POLK: variants seen among roughly 807,000 people sequenced by gnomAD.
POLK encodes the protein DNA polymerase kappa.
A neutral mutation model predicts 94.0 loss-of-function variants in POLK; 76 were observed. That is an observed-to-expected ratio of 0.81 (90% CI 0.67 to 0.98). The LOEUF (loss-of-function observed/expected upper bound fraction) is 0.98. Among genes scored for constraint, POLK ranks in the 50% least tolerant of loss-of-function variants. POLK has a pLI of 0.00. For missense variants in POLK, 954 were observed against 1,010.1 expected (o/e 0.94, Z 0.75); for synonymous variants, 349 against 325.4 (o/e 1.07, Z -0.78).
chr5:75,571,992 C>T (rs1266004782), intron 4 of POLK, among the ~76,000 whole-genome samples: 3 of 152,148 alleles, frequency 2.0e-5, no homozygotes, highest in Non-Finnish European at 2.9e-5. Context: ...TAGTATAGTT[C>T]TGAGTACTAT....
chr5:75,549,797 T>G (rs1205273664), intron 2 of POLK, among the ~76,000 whole-genome samples: 1 of 152,122 alleles, frequency 6.6e-6, no homozygotes, highest in Admixed American at 6.6e-5. Flanking sequence ...CATCAACAAT[T>G]ACCAACATTT....
chr5:75,528,901 T>A (rs1388108410), intron 1 of POLK, among the ~76,000 whole-genome samples: 1 of 152,204 alleles, frequency 6.6e-6, no homozygotes. Context: ...CAATTATCCC[T>A]TGGTATCCAT....
intron 12 of POLK, among the ~76,000 whole-genome samples, 172 bp downstream of exon 12, chr5:75,594,221 G>C (rs1361862084): frequency 1.3e-5 from 2 of 152,132 alleles, no homozygotes; most frequent in Admixed American, 1.3e-4. Context: ...CTTACAAGGT[G>C]GTTACATCCC....
chr5:75,605,951 A>G (rs1304208413), downstream of POLK, among the ~76,000 whole-genome samples: 2 of 142,280 alleles, frequency 1.4e-5, no homozygotes, highest in African/African-American at 5.3e-5. Context: ...GGAACCGGGG[A>G]ACCAGCGTTC....
At chr5:75,533,481 C>A (rs1314553935) in intron 1 of POLK, among the ~76,000 whole-genome samples, 1 of 152,180 alleles carries the variant, frequency 6.6e-6, no homozygotes, top group Non-Finnish European at 1.5e-5. Flanking sequence ...GTTTTGGTTA[C>A]CATATCCTTG....
At chr5:75,575,463 G>A (rs1011976782) in intron 5 of POLK, among the ~76,000 whole-genome samples, 1 of 152,222 alleles carries the variant, frequency 6.6e-6, no homozygotes, top group African/African-American at 2.4e-5. Context: ...TTACAGGCAT[G>A]AGCCATCATG....
intron 11 of POLK, among the ~76,000 whole-genome samples, chr5:75,591,150 G>A (rs1472305741): frequency 6.6e-6 from 1 of 152,154 alleles, no homozygotes; most frequent in African/African-American, 2.4e-5. Context: ...AGAATAGCTA[G>A]AAGAGAATAA....
chr5:75,603,286 C>G (rs1452318455), downstream of POLK, among the ~76,000 whole-genome samples: 1 of 152,076 alleles, frequency 6.6e-6, no homozygotes, highest in Non-Finnish European at 1.5e-5. Context: ...CCATTTGTTT[C>G]CATCTCTTTT....
At chr5:75,586,773 AATTT>A (rs1410678501) in intron 9 of POLK, among the ~76,000 whole-genome samples, 4 of 152,188 alleles carry the variant, frequency 2.6e-5, no homozygotes, top group Non-Finnish European at 4.4e-5. Context: ...TAATAGAAGC[AATTT>A]CTAATATCTA....
chr5:75,573,828 G>A, exon 5 of POLK: 1 of 1,613,420 alleles, frequency 6.2e-7, no homozygotes, highest in Non-Finnish European at 8.5e-7. Context: ...ACTTATAATA[G>A]TGCCCCCCAA....
intron 1 of POLK, among the ~76,000 whole-genome samples, chr5:75,524,152 A>G (rs1768723107): frequency 1.3e-5 from 2 of 152,080 alleles, no homozygotes; most frequent in Non-Finnish European, 2.9e-5. Context: ...AACAAAAAAA[A>G]ACTTTCAGAT....
chr5:75,604,129 A>T (rs147635564), downstream of POLK, among the ~76,000 whole-genome samples: 105 of 152,326 alleles, frequency 6.9e-4, 1 homozygote, highest in African/African-American at 2.5e-3. Context: ...GGGAAGACAG[A>T]ATGGTGGCTA....
intron 2 of POLK, among the ~76,000 whole-genome samples, chr5:75,551,930 G>A (rs1041776676): frequency 6.6e-6 from 1 of 152,182 alleles, no homozygotes; most frequent in Non-Finnish European, 1.5e-5. Context: ...GTTTATGATA[G>A]CATTCTTCAC....
chr5:75,596,105 T>C (rs985964958), intron 12 of POLK, 117 bp from the exon 13 acceptor site: 23 of 633,852 alleles, frequency 3.6e-5, no homozygotes, highest in African/African-American at 2.7e-4. Flanking sequence ...ATGTTACTTA[T>C]AGTTTCTCTC....
chr5:75,531,729 T>A (rs1769192087), intron 1 of POLK, among the ~76,000 whole-genome samples: 1 of 151,780 alleles, frequency 6.6e-6, no homozygotes, highest in African/African-American at 2.4e-5. Flanking sequence ...GAGGTGGAGG[T>A]TGTAGTGAGC....
In POLK at chr5:75,596,219, T is replaced by G; in HGVS notation, c.1529-3T>G. 6.6e-7 allele frequency: 1 copy of G among 1,504,842 alleles called. No homozygotes were observed. The highest frequency in any genetic ancestry group is 9.1e-7 in the Non-Finnish European group (1 of 1,098,284). The allele number at this position is 1,504,842 out of a possible 1,614,324, so 93.2% of individuals were successfully genotyped here. A position where few individuals can be genotyped will look rare whatever the true frequency, so the allele number is the denominator to read the frequency against. On this transcript the variant is annotated splice_polypyrimidine_tract_variant and splice_region_variant and intron_variant, in intron 12 of 14. Coordinates refer to ENST00000241436, the Ensembl canonical transcript of POLK. Reference sequence around the variant, plus strand: ...GAAATTGATTGTGATTGGTTTAATTTAGGTGTTCGGATATCTAGTTTTCCC... The same window carrying G: ...GAAATTGATTGTGATTGGTTTAATTGAGGTGTTCGGATATCTAGTTTTCCC...
Position 75,552,470 on chromosome 5 carries a change from A to AG in POLK, c.138dup. 1 of 1,610,222 alleles carries AG rather than the reference A, an allele frequency of 6.2e-7. No homozygotes were observed. Among genetic ancestry groups the AG allele is most frequent in the Admixed American group, 1.7e-5 (1 of 59,098 alleles). On this transcript the variant is annotated splice_acceptor_variant, in intron 2 of 14. Coordinates refer to ENST00000241436, the Ensembl canonical transcript of POLK. LOFTEE classifies it high-confidence loss of function. ...TATGCTTTGTTTTGTTTTCCTCCATAGGGGTCCAGATTTTATGGAAATGAG... is the reference window on the plus strand; with the variant it reads ...TATGCTTTGTTTTGTTTTCCTCCATAGGGGGTCCAGATTTTATGGAAATGAG...
intron 9 of POLK, 50 bp from the exon 10 acceptor site, chr5:75,586,975 TA>T (rs756139563): frequency 5.3e-5 from 72 of 1,347,580 alleles, no homozygotes; most frequent in Admixed American, 8.5e-5. Context: ...CTTGGTTAAC[TA>T]AAAAAAACTC....
chr5:75,569,622 G>T, intron 4 of POLK, 130 bp downstream of exon 4: 1 of 728,728 alleles, frequency 1.4e-6, no homozygotes, highest in Non-Finnish European at 2.2e-6. Flanking sequence ...CCTTATATAT[G>T]ACTCAATTAC....
Sources: gnomAD v4.1 joint callset for allele counts (sites outside exome capture counted in the v4.1 genomes callset) on GRCh38, gnomAD v4.1.1 for gene constraint, MANE v1.5 for transcripts, NCBI Gene and HGNC (gene_info 2026-07-23, HGNC 2026-07-21) for gene names.